The following ABI3BP variants were observed in gnomAD, a reference collection of about 807,000 sequenced individuals.
The protein encoded by ABI3BP is target of Nesh-SH3.
Under a neutral mutation model 268.6 loss-of-function variants are expected in ABI3BP, and 216 were observed. The ratio of observed to expected loss-of-function variants is 0.80; its 90% CI spans 0.72 to 0.90. The LOEUF (loss-of-function observed/expected upper bound fraction) is 0.90, where lower values mean the gene tolerates loss of function less well. Among genes scored for constraint, ABI3BP ranks in the 40% least tolerant of loss-of-function variants. The probability of loss-of-function intolerance (pLI) is 0.00; values close to 1 mark genes in which losing one functional copy is unlikely to be tolerated. For synonymous variants in ABI3BP, 730 were observed against 730.0 expected (o/e 1.00, Z 0.00); for missense variants, 2,090 against 2,182.4 (o/e 0.96, Z 0.84).
At chr3:100,900,661 ATAAT>A (rs2049881989) in intron 3 of ABI3BP, among the ~76,000 whole-genome samples, 2 of 152,180 alleles carry the variant, frequency 1.3e-5, no homozygotes, top group Non-Finnish European at 2.9e-5. Flanking sequence ...TAATATAAAA[ATAAT>A]TAAATAATTA....
rs2097589416 is a variant in ABI3BP, at chr3:100,803,366, A to G, written c.3757+1426T>C. Among the ~76,000 whole-genome samples, 2 of 139,224 alleles carry G rather than the reference A, an allele frequency of 1.4e-5. 1 individual carries two copies. Among genetic ancestry groups the G allele is most frequent in the African/African-American group, 5.1e-5 (2 of 39,562 alleles). The allele number at this position is 139,224 out of a possible 152,430, so 91.3% of individuals were successfully genotyped here. On this transcript the variant is annotated intron_variant, in intron 51 of 67. Coordinates refer to ENST00000471714, the MANE Select transcript of ABI3BP (RefSeq NM_001375547.2). ...AAAAGTGGTCCGCTCTTTATAACTT[A>G]GCTGTGGGAGAACTTTTGAAGAATG...
At chr3:100,833,306 G>A in intron 29 of ABI3BP, 149 bp from the exon 30 acceptor site, 3 of 666,486 alleles carry the variant, frequency 4.5e-6, no homozygotes, top group Non-Finnish European at 7.3e-6. Flanking sequence ...CTCAAGTGAG[G>A]GTACATATTT....
At chr3:100,899,521 C>CA (rs1299468778) in intron 3 of ABI3BP, among the ~76,000 whole-genome samples, 1 of 152,150 alleles carries the variant, frequency 6.6e-6, no homozygotes, top group Non-Finnish European at 1.5e-5. Context: ...ACAGGAAGCA[C>CA]AGTTGTTCTG....
chr3:100,795,125 G>T, intron 53 of ABI3BP, 122 bp from the exon 54 acceptor site: 1 of 611,584 alleles, frequency 1.6e-6, no homozygotes, highest in Non-Finnish European at 2.7e-6. Flanking sequence ...AGTTAAGTGT[G>T]CACACGACTT....
chr3:100,912,147 A>C (rs146952733), intron 2 of ABI3BP: 19 of 476,148 alleles, frequency 4.0e-5, no homozygotes, highest in Non-Finnish European at 6.1e-5. Context: ...GGTCAACACA[A>C]AGCCCAAGAA....
At chr3:100,765,788 G>T in intron 63 of ABI3BP, 53 bp downstream of exon 63, 1 of 1,280,880 alleles carries the variant, frequency 7.8e-7, no homozygotes, top group Non-Finnish European at 1.1e-6. Context: ...CCCTTGTTGT[G>T]GTTATAACTT....
Position 100,749,736 on chromosome 3 carries a change from T to A in ABI3BP, c.*759A>T, listed in dbSNP as rs1459701573. On this transcript the variant is annotated 3_prime_UTR_variant, in exon 68 of 68. Coordinates refer to ENST00000471714, the MANE Select transcript of ABI3BP (RefSeq NM_001375547.2). ...CTTGATTAGAATCATAAAAACAATATGAAGACGATTGCATAAAGGGATAGT... is the reference window on the plus strand; with the variant it reads ...CTTGATTAGAATCATAAAAACAATAAGAAGACGATTGCATAAAGGGATAGT... The A allele has an allele frequency of 1.0e-5, 4 of 398,442 alleles. No individual in the cohort carries two copies. The highest frequency in any genetic ancestry group is 1.8e-5 in the Non-Finnish European group (4 of 225,768). The allele number at this position is 398,442 out of a possible 1,614,324, so 24.7% of individuals were successfully genotyped here.
At chr3:100,816,903 A>G (rs1230673704) in intron 42 of ABI3BP, 135 bp from the exon 43 acceptor site, 2 of 654,948 alleles carry the variant, frequency 3.1e-6, no homozygotes, top group Non-Finnish European at 5.1e-6. Flanking sequence ...CTATTTTGTT[A>G]ATTTTCTTAA....
chr3:100,976,789 C>T (rs185091549), intron 1 of ABI3BP, among the ~76,000 whole-genome samples: 71 of 152,246 alleles, frequency 4.7e-4, no homozygotes, highest in African/African-American at 1.6e-3. Context: ...AGGTCAGCTA[C>T]GGGGCAGATC....
intron 1 of ABI3BP, among the ~76,000 whole-genome samples, chr3:100,967,381 G>C (rs2081757816): frequency 6.6e-6 from 1 of 151,690 alleles, no homozygotes. Context: ...GTGGGCCCCT[G>C]TTATCCCAGC....
Position 100,876,556 on chromosome 3 carries a change from G to C in ABI3BP, c.701C>G (p.Ala234Gly). ...TGGGATTAGTTTCCTTGGGACATAT[G>C]CTGGCTGCAAAGAGAAGAAGAAAGT... is the stretch of plus-strand genomic sequence containing the variant. ...STYDQDHTVP[A>G]YVPRKLIPIT... Residue 234 changes from alanine to glycine, a missense_variant, in exon 7 of 68, where the codon GCA becomes GGA. Transcript: ENST00000471714. The C allele has an allele frequency of 6.2e-7, 1 of 1,613,196 alleles. No homozygotes were observed. Among genetic ancestry groups the C allele is most frequent in the South Asian group, 1.1e-5 (1 of 90,988 alleles).
chr3:100,882,418 A>G (rs1300362937), intron 6 of ABI3BP, among the ~76,000 whole-genome samples: 1 of 150,990 alleles, frequency 6.6e-6, no homozygotes, highest in African/African-American at 2.4e-5. Context: ...GCTACCTGAG[A>G]GCAGAGATGT....
chr3:100,875,088 A>C (rs1292844914), intron 8 of ABI3BP, among the ~76,000 whole-genome samples, 155 bp from the exon 9 acceptor site: 2 of 152,238 alleles, frequency 1.3e-5, no homozygotes, highest in Non-Finnish European at 2.9e-5. Context: ...AAAAAATATA[A>C]CCATACATTC....
chr3:100,901,148 G>A (rs1449224712), intron 3 of ABI3BP, among the ~76,000 whole-genome samples: 1 of 152,160 alleles, frequency 6.6e-6, no homozygotes, highest in African/African-American at 2.4e-5. Flanking sequence ...CAAGTTGTAA[G>A]GAGCGATTGG....
At chr3:100,876,233 C>T (rs2099160031) in intron 7 of ABI3BP, among the ~76,000 whole-genome samples, 2 of 152,150 alleles carry the variant, frequency 1.3e-5, no homozygotes, top group African/African-American at 2.4e-5. Context: ...TTGGGCAAAG[C>T]TCCACATATT....
At position 100,862,656 on chromosome 3, in the gene ABI3BP, T is replaced by C. The variant is rs142044892; in HGVS notation, c.1210+182A>G. The C allele has an allele frequency of 2.9e-4, 175 of 602,846 alleles. 1 individual carries two copies. In the East Asian group the frequency reaches 4.7e-3, roughly 16 times the overall value. The allele number at this position is 602,846 out of a possible 1,614,324, so 37.3% of individuals were successfully genotyped here. On this transcript the variant is annotated intron_variant, in intron 13 of 67. Transcript: ENST00000471714. Reference sequence around the variant, plus strand: ...GTGGATTATGTGGAATTAAGACTGATGGGTTTTACCGAATTTGCAGAAAAT... The same window carrying C: ...GTGGATTATGTGGAATTAAGACTGACGGGTTTTACCGAATTTGCAGAAAAT...
intron 36 of ABI3BP, among the ~76,000 whole-genome samples, chr3:100,824,018 C>T (rs1265369445): frequency 1.3e-5 from 2 of 152,164 alleles, no homozygotes; most frequent in East Asian, 1.9e-4. Context: ...TTTGAGACCT[C>T]TGTCCAAACC....
chr3:100,870,081 T>A (rs1208255203), intron 9 of ABI3BP, among the ~76,000 whole-genome samples: 1 of 152,172 alleles, frequency 6.6e-6, no homozygotes, highest in Non-Finnish European at 1.5e-5. Flanking sequence ...ATTTACTACC[T>A]CAAAAAATGT....
chr3:100,808,298 C>A, intron 49 of ABI3BP, 63 bp from the exon 50 acceptor site: 2 of 1,270,822 alleles, frequency 1.6e-6, no homozygotes, highest in Non-Finnish European at 2.2e-6. Context: ...ACCTAAGCCT[C>A]TAGAAGCTCA....
Sources: allele counts gnomAD v4.1 joint callset (sites outside exome capture counted in the v4.1 genomes callset), GRCh38; gene constraint gnomAD v4.1.1; transcripts MANE v1.5; gene names NCBI Gene and HGNC (gene_info 2026-07-23, HGNC 2026-07-21).